KCNN1: variants seen among roughly 807,000 people sequenced by gnomAD.
KCNN1 encodes potassium calcium-activated channel subfamily N member 1.
KCNN1 carries 20 observed loss-of-function variants against 44.7 expected under a neutral mutation model. The ratio of observed to expected loss-of-function variants is 0.45; its 90% CI spans 0.32 to 0.65. The LOEUF (loss-of-function observed/expected upper bound fraction) is 0.65. Ranked by LOEUF, KCNN1 falls within the 30% of genes least tolerant of loss-of-function variation. The pLI is 0.05. For synonymous variants in KCNN1, 324 were observed against 341.7 expected, an observed-to-expected ratio of 0.95 and a Z score of 0.57; for missense variants, 632 against 785.3, an observed-to-expected ratio of 0.80 and a Z score of 2.33.
At chr19:17,988,572 G>T (rs538708143) in intron 6 of KCNN1, 47 bp downstream of exon 6, 1 of 1,414,046 alleles carries the variant, frequency 7.1e-7, no homozygotes, top group Non-Finnish European at 9.9e-7. Context: ...CCTTGTCAGC[G>T]AGCGTAGAAC....
Position 17,998,252 on chromosome 19 carries a change from G to T in KCNN1, c.1478G>T (p.Gly493Val). 2 of 1,567,520 alleles carry T rather than the reference G, an allele frequency of 1.3e-6. No individual in the cohort carries two copies. Among genetic ancestry groups the T allele is most frequent in the Non-Finnish European group, 1.7e-6 (2 of 1,159,168 alleles). Residue 493 changes from glycine to valine, a missense_variant, in exon 10 of 10, where the codon GGT becomes GTT. Gly to Val is a moderately radical substitution (Grantham distance 109). Coordinates refer to ENST00000684775, the MANE Select transcript of KCNN1 (RefSeq NM_001386974.1). The surrounding 1 kb of genome is among the most constrained non-coding windows in gnomAD (Gnocchi z 5.4). ...ATLESRLDAL[G>V]ASLQALPGLI... ...CTGGAAAGCCGCTTGGATGCGCTGG[G>T]TGCCTCTCTACAGGCCCTGCCTGGC...
intron 7 of KCNN1, 128 bp from the exon 8 acceptor site, chr19:17,992,926 T>A (rs1164494779): frequency 4.9e-6 from 6 of 1,224,044 alleles, no homozygotes; most frequent in Admixed American, 2.0e-5. Context: ...CTCGGCCATC[T>A]GGGAACCCCG....
At chr19:17,955,037 CAAA>C (rs34300645) in intron 2 of KCNN1, among the ~76,000 whole-genome samples, 2 of 96,654 alleles carry the variant, frequency 2.1e-5, no homozygotes, top group African/African-American at 8.8e-5. Context: ...AGCTCTGTTT[CAAA>C]AAAAAAAAAA....
chr19:17,987,267 G>A (rs1196377274), intron 5 of KCNN1, among the ~76,000 whole-genome samples: 1 of 151,994 alleles, frequency 6.6e-6, no homozygotes, highest in Non-Finnish European at 1.5e-5. Context: ...CTGCCACCAG[G>A]CCCAGCTAAT....
intron 1 of KCNN1, among the ~76,000 whole-genome samples, 164 bp from the exon 2 acceptor site, chr19:17,973,644 G>C (rs980453800): frequency 2.0e-5 from 3 of 152,208 alleles, no homozygotes; most frequent in African/African-American, 7.2e-5. Context: ...TTGAGCAGGG[G>C]AGGGATTCAG....
At chr19:17,988,028 G>A (rs551360396) in intron 5 of KCNN1, among the ~76,000 whole-genome samples, 2 of 151,382 alleles carry the variant, frequency 1.3e-5, no homozygotes, top group South Asian at 2.1e-4. Context: ...GGTGGTGCAC[G>A]CTTCTAGTTC....
intron 3 of KCNN1, among the ~76,000 whole-genome samples, chr19:17,979,097 A>G (rs1327725748): frequency 6.8e-6 from 1 of 147,562 alleles, no homozygotes; most frequent in African/African-American, 2.5e-5. Flanking sequence ...AAACAACAAA[A>G]TGGAGGCAGT....
At chr19:17,982,969 CG>C (rs1237541311) in intron 4 of KCNN1, among the ~76,000 whole-genome samples, 1 of 151,172 alleles carries the variant, frequency 6.6e-6, no homozygotes, top group Non-Finnish European at 1.5e-5. Context: ...GAACCTGGGA[CG>C]CGGAGGTTGC....
In KCNN1 at chr19:17,993,637, C is replaced by A. The variant is rs1021825968; in HGVS notation, c.1377+78C>A. ...AGATGGGATGGGGCTCAGCTCCTGC[C>A]GGAGGAGGGCACAAGGACCCGCTGT... On this transcript the variant is annotated intron_variant, in intron 9 of 9. Transcript: ENST00000684775. The surrounding 1 kb of genome is among the most constrained non-coding windows in gnomAD (Gnocchi z 4.5). 8.3e-7 allele frequency: 1 copy of A among 1,197,662 alleles called. No homozygotes were observed. Among genetic ancestry groups the A allele is most frequent in the South Asian group, 1.2e-5 (1 of 80,602 alleles). 74.2% of individuals were successfully genotyped at this position (1,197,662 alleles called of 1,614,324 possible).
intron 1 of KCNN1, among the ~76,000 whole-genome samples, chr19:17,952,517 C>G (rs1236745455): frequency 2.0e-5 from 3 of 152,150 alleles, no homozygotes; most frequent in Admixed American, 6.5e-5. Context: ...GAGTCAGCTC[C>G]TGACCCCACC....
chr19:17,970,413 G>A (rs1568448881), intron 1 of KCNN1, among the ~76,000 whole-genome samples: 1 of 135,200 alleles, frequency 7.4e-6, no homozygotes, highest in African/African-American at 2.8e-5. Flanking sequence ...CACTTCCCGG[G>A]TTCAAGTGAT....
intron 3 of KCNN1, among the ~76,000 whole-genome samples, chr19:17,975,768 G>C (rs1813961501): frequency 6.6e-6 from 1 of 151,926 alleles, no homozygotes; most frequent in Admixed American, 6.6e-5. Flanking sequence ...GCCCAGGCTG[G>C]AGTGCAGTGA....
chr19:17,967,114 C>T lies in KCNN1; in HGVS notation c.-285C>T. The T allele has an allele frequency of 1.0e-6, 1 of 978,464 alleles. No individual in the cohort carries two copies. Among genetic ancestry groups the T allele is most frequent in the Non-Finnish European group, 1.2e-6 (1 of 825,732 alleles). The allele number at this position is 978,464 out of a possible 1,614,324, so 60.6% of individuals were successfully genotyped here. On this transcript the variant is annotated 5_prime_UTR_variant, in exon 1 of 10. Coordinates refer to ENST00000684775, the MANE Select transcript of KCNN1 (RefSeq NM_001386974.1). ...TTCTCTCCCGGCCCGGGCGGGCGCT[C>T]GCCCCCCGCCGGGCCCGTGGACTGG...
chr19:17,997,210 G>C (rs931366376), intron 9 of KCNN1, among the ~76,000 whole-genome samples: 1 of 152,158 alleles, frequency 6.6e-6, no homozygotes, highest in Non-Finnish European at 1.5e-5. Flanking sequence ...AGTCACCTTC[G>C]TCATTAGACC....
Position 17,981,692 on chromosome 19 carries a change from C to A in KCNN1, c.499-17C>A, listed in dbSNP as rs538351130. On this transcript the variant is annotated splice_polypyrimidine_tract_variant and intron_variant, in intron 3 of 9. Transcript: ENST00000684775. ...CGTGTCTGACACCCATGGCTGGTTC[C>A]CTCCCGCCCTCCACAGCTGTTCATG... 6.4e-7 allele frequency: 1 copy of A among 1,553,184 alleles called. No homozygotes were observed. The highest frequency in any genetic ancestry group is 1.4e-5 in the African/African-American group (1 of 73,956).
intron 1 of KCNN1, among the ~76,000 whole-genome samples, 190 bp from the exon 2 acceptor site, chr19:17,973,618 G>A (rs1350450904): frequency 6.6e-6 from 1 of 152,196 alleles, no homozygotes; most frequent in East Asian, 1.9e-4. Flanking sequence ...TGGCACTGGG[G>A]AGCCATGGCA....
chr19:17,961,206 A>AC (rs1216191732), intron 2 of KCNN1, among the ~76,000 whole-genome samples: 1 of 142,674 alleles, frequency 7.0e-6, no homozygotes, highest in Non-Finnish European at 1.5e-5. Flanking sequence ...AAAAAAAAAA[A>AC]CCCAGAAACC....
chr19:17,976,939 C>A (rs557327470), intron 3 of KCNN1, among the ~76,000 whole-genome samples: 1 of 152,016 alleles, frequency 6.6e-6, no homozygotes, highest in South Asian at 2.1e-4. Context: ...TGGTCTCGAA[C>A]TCCTGACCTC....
intron 6 of KCNN1, 63 bp downstream of exon 6, chr19:17,988,588 T>A: frequency 8.2e-7 from 1 of 1,218,184 alleles, no homozygotes; most frequent in Non-Finnish European, 1.2e-6. Flanking sequence ...AGAACTTCCC[T>A]GCTTTCCCTC....
Sources: allele counts gnomAD v4.1 joint callset (sites outside exome capture counted in the v4.1 genomes callset), GRCh38; gene constraint gnomAD v4.1.1; non-coding constraint Gnocchi (gnomAD v3.1); transcripts MANE v1.5; gene names NCBI Gene and HGNC (gene_info 2026-07-23, HGNC 2026-07-21).